The following IGSF21 variants were observed in gnomAD, a reference collection of about 807,000 sequenced individuals.
The protein encoded by IGSF21 is immunoglobin superfamily member 21, also known as immunoglobulin superfamily member 21.
Under a neutral mutation model 46.8 loss-of-function variants are expected in IGSF21, and 28 were observed. The ratio of observed to expected loss-of-function variants is 0.60; its 90% confidence interval spans 0.44 to 0.82. IGSF21 has a LOEUF of 0.82. Among genes scored for constraint, IGSF21 ranks in the 40% least tolerant of loss-of-function variants. IGSF21 has a pLI of 0.00. For missense variants in IGSF21, 624 were observed against 665.5 expected (o/e 0.94, Z 0.69); for synonymous variants, 284 against 273.6 (o/e 1.04, Z -0.38).
chr1:18,315,194 G>T (rs376451674), intron 3 of IGSF21, among the ~76,000 whole-genome samples: 9 of 152,076 alleles, frequency 5.9e-5, no homozygotes, highest in African/African-American at 2.2e-4. Context: ...GTCTCATTTG[G>T]CCGCATGCAG....
chr1:18,314,572 C>T (rs1422647127), intron 3 of IGSF21, among the ~76,000 whole-genome samples: 1 of 152,208 alleles, frequency 6.6e-6, no homozygotes, highest in Non-Finnish European at 1.5e-5. Context: ...AAGGAGCGCC[C>T]TCTCATGATC....
At chr1:18,227,260 CCCAGGGCTCTCTTTTTA>C (rs907685963) in intron 1 of IGSF21, among the ~76,000 whole-genome samples, 1 of 151,970 alleles carries the variant, frequency 6.6e-6, no homozygotes, top group African/African-American at 2.4e-5. Context: ...ATGGTGGTTT[CCCAGGGCTCTCTTTTTA>C]CCAGGAGTCA....
At chr1:18,224,083 A>G (rs557081610) in intron 1 of IGSF21, among the ~76,000 whole-genome samples, 2 of 152,306 alleles carry the variant, frequency 1.3e-5, no homozygotes, top group South Asian at 4.1e-4. Context: ...ACAGGGGGTA[A>G]CATTCAAAGA....
chr1:18,151,511 C>T (rs572363581), intron 1 of IGSF21, among the ~76,000 whole-genome samples: 48 of 152,268 alleles, frequency 3.2e-4, no homozygotes, highest in African/African-American at 1.0e-3. Flanking sequence ...CATATACCAT[C>T]GACATCCACA....
At chr1:18,113,426 A>G (rs2086160412) in intron 1 of IGSF21, 1 of 152,148 alleles carries the variant, frequency 6.6e-6, no homozygotes, top group South Asian at 2.1e-4. Flanking sequence ...CTGCAGCCCA[A>G]AAGAGCAGGA....
At position 18,108,033 on chromosome 1, in the gene IGSF21, C is replaced by A; in HGVS notation, c.-96C>A. On this transcript the variant is annotated 5_prime_UTR_variant, in exon 1 of 10. Coordinates refer to ENST00000251296, the MANE Select transcript of IGSF21 (RefSeq NM_032880.5). Reference sequence around the variant, plus strand: ...TGCCCGCCACCGCCTCGGCCAGTGGCCGGAGGCAGGAGCGCGTCTGAGCCC... The same window carrying A: ...TGCCCGCCACCGCCTCGGCCAGTGGACGGAGGCAGGAGCGCGTCTGAGCCC... The A allele has an allele frequency of 2.2e-6, 1 of 462,904 alleles. No individual in the cohort carries two copies. The highest frequency in any genetic ancestry group is 3.3e-6 in the Non-Finnish European group (1 of 303,712). 28.7% of individuals were successfully genotyped at this position (462,904 alleles called of 1,614,324 possible). A position where few individuals can be genotyped will look rare whatever the true frequency, so the allele number is the denominator to read the frequency against.
intron 2 of IGSF21, among the ~76,000 whole-genome samples, chr1:18,228,484 C>G (rs2084591982): frequency 6.6e-6 from 1 of 152,142 alleles, no homozygotes; most frequent in Non-Finnish European, 1.5e-5. Context: ...GTGTCTGGCA[C>G]CATCTGAGAA....
chr1:18,203,842 A>G (rs567024244), intron 1 of IGSF21, among the ~76,000 whole-genome samples: 137 of 152,370 alleles, frequency 9.0e-4, no homozygotes, highest in African/African-American at 3.2e-3. Context: ...TGTAGTCCAC[A>G]GGGCAAAATC....
intron 1 of IGSF21, among the ~76,000 whole-genome samples, chr1:18,185,512 T>G (rs568880174): frequency 6.6e-6 from 1 of 152,344 alleles, no homozygotes; most frequent in South Asian, 2.1e-4. Flanking sequence ...TGCTCGGGCA[T>G]TTAAGCTGCA....
chr1:18,332,102 G>A (rs1194558134), intron 3 of IGSF21, among the ~76,000 whole-genome samples: 1 of 152,204 alleles, frequency 6.6e-6, no homozygotes, highest in Non-Finnish European at 1.5e-5. Flanking sequence ...ACCTACATGT[G>A]TCACCCAAGC....
intron 2 of IGSF21, among the ~76,000 whole-genome samples, chr1:18,243,756 G>A (rs1341853988): frequency 6.6e-6 from 1 of 152,172 alleles, no homozygotes; most frequent in Non-Finnish European, 1.5e-5. Context: ...CCAGATCCAC[G>A]ATGTGCAGGC....
chr1:18,374,999 G>C (rs774108734), intron 6 of IGSF21, among the ~76,000 whole-genome samples: 3 of 152,090 alleles, frequency 2.0e-5, no homozygotes, highest in Non-Finnish European at 2.9e-5. Flanking sequence ...CCCATGCCCT[G>C]GCTGTTCCCT....
In IGSF21 at chr1:18,258,056, T is replaced by C. The variant is rs1243647829; in HGVS notation, c.183+30046T>C. Among the ~76,000 whole-genome samples the C allele has an allele frequency of 3.3e-5, 5 of 152,206 alleles. No homozygotes were observed. In the East Asian group the frequency reaches 7.7e-4, roughly 23 times the overall value. ...TCCTCCTGAGAAACCCAGGCACCAA[T>C]GTGCAGGAGGTAGCAGCCTCTGTTG... On this transcript the variant is annotated intron_variant, in intron 2 of 9. Coordinates refer to ENST00000251296, the MANE Select transcript of IGSF21 (RefSeq NM_032880.5).
Position 18,236,483 on chromosome 1 carries a change from C to A in IGSF21, c.183+8473C>A, listed in dbSNP as rs907308226. Among the ~76,000 whole-genome samples, 67 of 152,216 alleles carry A rather than the reference C, an allele frequency of 4.4e-4. 2 individuals carry two copies. Among genetic ancestry groups the A allele is most frequent in the Non-Finnish European group, 1.5e-5 (1 of 68,038 alleles). On this transcript the variant is annotated intron_variant, in intron 2 of 9. Coordinates refer to ENST00000251296, the MANE Select transcript of IGSF21 (RefSeq NM_032880.5). ...CACAGGGACAGGCGTCAAGCACTCT[C>A]TGTTGGCTATGTTAAGCTGGGAGTG...
At chr1:18,378,113 T>C (rs1464793328) in intron 9 of IGSF21, 143 bp from the exon 10 acceptor site, 2 of 640,264 alleles carry the variant, frequency 3.1e-6, no homozygotes, top group East Asian at 5.4e-5. Context: ...GACAGTTAGG[T>C]GGCCAGGTGG....
chr1:18,120,283 G>C (rs577841019), intron 1 of IGSF21, among the ~76,000 whole-genome samples: 3 of 152,354 alleles, frequency 2.0e-5, no homozygotes, highest in African/African-American at 7.2e-5. Context: ...AGGACTGCCA[G>C]ACAGCCAGGC....
chr1:18,189,076 AG>A (rs2086930809), intron 1 of IGSF21, among the ~76,000 whole-genome samples: 1 of 152,174 alleles, frequency 6.6e-6, no homozygotes, highest in African/African-American at 2.4e-5. Context: ...AAGGCCAGGG[AG>A]GCCCTTCCCC....
chr1:18,174,559 G>A (rs577686847), intron 1 of IGSF21, among the ~76,000 whole-genome samples: 5 of 152,066 alleles, frequency 3.3e-5, no homozygotes, highest in African/African-American at 4.8e-5. Flanking sequence ...ACATCCCCTC[G>A]CTCGCTCTTG....
At chr1:18,316,074 A>G (rs1295883118) in intron 3 of IGSF21, among the ~76,000 whole-genome samples, 1 of 152,208 alleles carries the variant, frequency 6.6e-6, no homozygotes, top group East Asian at 1.9e-4. Context: ...TCTGGAAGGC[A>G]GAGCCCCTGA....
Sources: gnomAD v4.1 joint callset for allele counts (sites outside exome capture counted in the v4.1 genomes callset) on GRCh38, gnomAD v4.1.1 for gene constraint, MANE v1.5 for transcripts, NCBI Gene and HGNC (gene_info 2026-07-23, HGNC 2026-07-21) for gene names.